The following NEK6 variants were observed in gnomAD, a reference collection of about 807,000 sequenced individuals.
NEK6 encodes serine/threonine-protein kinase Nek6.
A neutral mutation model predicts 43.5 loss-of-function variants in NEK6; 27 were observed. The ratio of observed to expected loss-of-function variants is 0.62; its 90% CI spans 0.46 to 0.86. The LOEUF is 0.86. Ranked by LOEUF, NEK6 falls within the 40% of genes least tolerant of loss-of-function variation. NEK6 has a pLI of 0.00. For missense variants in NEK6, 318 were observed against 414.4 expected (o/e 0.77, Z 2.02); for synonymous variants, 167 against 164.1 (o/e 1.02, Z -0.14).
rs1300590888 is a variant in NEK6, at chr9:124,343,458, C to T, written c.717+3793C>T. ...CCCTAGCAGCCCCGGCCTCACACAG[C>T]AGCAGGCTGCTGTGGCCACCCATAG... On this transcript the variant is annotated intron_variant, in intron 8 of 9. Coordinates refer to ENST00000320246, the MANE Select transcript of NEK6 (RefSeq NM_014397.6). The surrounding 1 kb of genome is among the most constrained non-coding windows in gnomAD (Gnocchi z 5.1). Among the ~76,000 whole-genome samples, 1 of 152,120 alleles carries T rather than the reference C, an allele frequency of 6.6e-6. No individual in the cohort carries two copies. The highest frequency in any genetic ancestry group is 1.5e-5 in the Non-Finnish European group (1 of 67,982).
chr9:124,257,717 G>T, upstream of NEK6: 1 of 1,533,420 alleles, frequency 6.5e-7, no homozygotes, highest in Non-Finnish European at 8.7e-7. Context: ...GCCGGCCTGC[G>T]CCCTGTGAGT....
rs935517404 is a variant in NEK6 at position 124,277,377 on chromosome 9, C to T, written c.-30+19292C>T. ...AGGAGAATCTCTTGAACATGGGAGG[C>T]GGAGGTTGCAGTGAGCCGAGCTTGT... On this transcript the variant is annotated intron_variant, in intron 1 of 9. Transcript: ENST00000320246. 4.6e-5 allele frequency among the ~76,000 whole-genome samples: 7 copies of T among 152,198 alleles called. 1 individual carries two copies. The South Asian group carries it at 8.3e-4, about 18-fold the overall frequency.
At chr9:124,345,340 G>A (rs533181825) in intron 8 of NEK6, among the ~76,000 whole-genome samples, 28 of 152,334 alleles carry the variant, frequency 1.8e-4, no homozygotes, top group African/African-American at 5.1e-4. Context: ...GATGAGGGTG[G>A]AAGGCCCATG....
At chr9:124,279,088 C>T (rs577991408) in intron 1 of NEK6, among the ~76,000 whole-genome samples, 1 of 151,648 alleles carries the variant, frequency 6.6e-6, no homozygotes, top group East Asian at 2.0e-4. Context: ...TCTGGCCTGG[C>T]CTGGAGAGGA....
At chr9:124,276,861 G>T (rs1475733357) in intron 1 of NEK6, among the ~76,000 whole-genome samples, 1 of 152,248 alleles carries the variant, frequency 6.6e-6, no homozygotes. Context: ...GGAACCATAA[G>T]TGGCTCCGTG....
intron 9 of NEK6, 54 bp from the exon 10 acceptor site, chr9:124,350,783 G>A (rs1830228156): frequency 7.8e-7 from 1 of 1,281,822 alleles, no homozygotes; most frequent in South Asian, 1.2e-5. Flanking sequence ...GTGGAGTGCG[G>A]AGCCTCAGTA....
In NEK6 at chr9:124,350,721, A is replaced by T; in HGVS notation, c.832-116A>T. On this transcript the variant is annotated intron_variant, in intron 9 of 9. Coordinates refer to ENST00000320246, the MANE Select transcript of NEK6 (RefSeq NM_014397.6). ...ACCGTTCTTCAGCTCTAACGGGGACAACGGGACCATCTAGTTGCTCTGAGG... is the reference window on the plus strand; with the variant it reads ...ACCGTTCTTCAGCTCTAACGGGGACTACGGGACCATCTAGTTGCTCTGAGG... The T allele has an allele frequency of 1.5e-5, 11 of 753,742 alleles. 1 individual carries two copies. The South Asian group carries it at 1.6e-4, about 11-fold the overall frequency. 46.7% of individuals were successfully genotyped at this position (753,742 alleles called of 1,614,324 possible).
chr9:124,259,555 GAA>G (rs1830944142), intron 1 of NEK6: 2 of 152,134 alleles, frequency 1.3e-5, no homozygotes, highest in African/African-American at 4.8e-5. Flanking sequence ...ATGAAAAAAA[GAA>G]AACACCTTCT....
chr9:124,297,717 GCTA>G (rs1488859417), intron 1 of NEK6, among the ~76,000 whole-genome samples: 1 of 152,244 alleles, frequency 6.6e-6, no homozygotes, highest in Non-Finnish European at 1.5e-5. Flanking sequence ...GGGCTTGGCA[GCTA>G]CTACCTCATT....
At chr9:124,318,897 C>G (rs1833938318) in intron 4 of NEK6, among the ~76,000 whole-genome samples, 1 of 152,162 alleles carries the variant, frequency 6.6e-6, no homozygotes, top group Non-Finnish European at 1.5e-5. Context: ...TCTTGAACTC[C>G]TGACTTCAGG....
chr9:124,321,372 G>C, intron 4 of NEK6, 87 bp from the exon 5 acceptor site: 1 of 788,332 alleles, frequency 1.3e-6, no homozygotes, highest in Non-Finnish European at 2.1e-6. Context: ...CAGTGACCGG[G>C]TGCCAGCAGG....
chr9:124,276,297 G>T (rs560044663), intron 1 of NEK6, among the ~76,000 whole-genome samples: 1 of 152,256 alleles, frequency 6.6e-6, no homozygotes, highest in Admixed American at 6.5e-5. Flanking sequence ...CTGGATGGGT[G>T]ACTGGGGCAA....
rs897394483 is a variant in NEK6, at chr9:124,326,166, C to T, written c.406-164C>T. 1.3e-5 allele frequency among the ~76,000 whole-genome samples: 2 copies of T among 151,536 alleles called. No homozygotes were observed. Among genetic ancestry groups the T allele is most frequent in the African/African-American group, 4.9e-5 (2 of 41,222 alleles). On this transcript the variant is annotated intron_variant, in intron 5 of 9. Transcript: ENST00000320246. The surrounding 1 kb of genome is among the most constrained non-coding windows in gnomAD (Gnocchi z 4.5). ...GAAGTAGAGGCGTGGACACAGCACTCTTGGTTCTGGGCTTATTGTTTGCTC... is the reference window on the plus strand; with the variant it reads ...GAAGTAGAGGCGTGGACACAGCACTTTTGGTTCTGGGCTTATTGTTTGCTC...
chr9:124,280,349 G>C (rs1377774775), intron 1 of NEK6, among the ~76,000 whole-genome samples: 1 of 152,234 alleles, frequency 6.6e-6, no homozygotes, highest in Non-Finnish European at 1.5e-5. Context: ...AGTTGAAATC[G>C]GGGCCTGGAA....
intron 1 of NEK6, chr9:124,258,297 C>T: frequency 5.1e-6 from 5 of 985,164 alleles, no homozygotes; most frequent in Non-Finnish European, 6.0e-6. Flanking sequence ...TCCGCGTGTC[C>T]CGGGGTGTGC....
chr9:124,267,822 A>G (rs1831285091), intron 1 of NEK6, among the ~76,000 whole-genome samples: 2 of 152,240 alleles, frequency 1.3e-5, no homozygotes, highest in South Asian at 2.1e-4. Context: ...TTCCTGGGGA[A>G]ACATGCAGAG....
chr9:124,257,756 T>C (rs756758646), upstream of NEK6: 13 of 1,512,234 alleles, frequency 8.6e-6, no homozygotes, highest in South Asian at 3.6e-5. Context: ...ATCTCTGAAA[T>C]GGGGAAGGGG....
At chr9:124,273,958 C>T (rs538078572) in intron 1 of NEK6, among the ~76,000 whole-genome samples, 3 of 152,282 alleles carry the variant, frequency 2.0e-5, no homozygotes, top group Admixed American at 1.3e-4. Flanking sequence ...CCCCCCATTC[C>T]GTCTTGCCTC....
intron 1 of NEK6, among the ~76,000 whole-genome samples, chr9:124,276,055 T>G (rs1240586201): frequency 1.3e-5 from 2 of 150,306 alleles, no homozygotes; most frequent in Admixed American, 1.3e-4. Flanking sequence ...CCGTGGAGGC[T>G]GGGGGGCTGG....
Sources: gnomAD v4.1 joint callset for allele counts (sites outside exome capture counted in the v4.1 genomes callset) on GRCh38, gnomAD v4.1.1 for gene constraint, Gnocchi (gnomAD v3.1) non-coding constraint, MANE v1.5 for transcripts, NCBI Gene and HGNC (gene_info 2026-07-23, HGNC 2026-07-21) for gene names.